Variants in PPARGC1A observed in about 807,000 individuals in gnomAD.
The protein encoded by PPARGC1A is peroxisome proliferator-activated receptor gamma coactivator 1-alpha.
PPARGC1A carries 25 observed loss-of-function variants against 88.7 expected under a neutral mutation model. The observed-to-expected ratio is 0.28, with a 90% CI of 0.21 to 0.39. The LOEUF (loss-of-function observed/expected upper bound fraction) is 0.39, where lower values mean the gene tolerates loss of function less well. PPARGC1A is among the 10% of genes least tolerant of loss of function. The probability of loss-of-function intolerance (pLI) is 1.00; values close to 1 mark genes in which losing one functional copy is unlikely to be tolerated. For missense variants in PPARGC1A, 880 were observed against 968.7 expected (o/e 0.91, Z 1.22); for synonymous variants, 363 against 355.6 (o/e 1.02, Z -0.24).
At chr4:24,443,027 G>A in the PPARGC1A span, among the ~76,000 whole-genome samples, 1 of 152,142 alleles carries the variant, frequency 6.6e-6, no homozygotes, top group East Asian at 1.9e-4. Context: ...TTTCCTAGGA[G>A]CGCCATTTCC....
chr4:24,447,800 A>T, the PPARGC1A span, among the ~76,000 whole-genome samples: 2 of 152,224 alleles, frequency 1.3e-5, no homozygotes, highest in South Asian at 4.1e-4. Context: ...CATCGGCATG[A>T]AACAGTCCCA....
At chr4:24,335,125 G>A in the PPARGC1A span, among the ~76,000 whole-genome samples, 1 of 152,186 alleles carries the variant, frequency 6.6e-6, no homozygotes, top group South Asian at 2.1e-4. Flanking sequence ...TTGCTAGGCA[G>A]GGGCCCTGGA....
chr4:24,039,943 T>C, the PPARGC1A span, among the ~76,000 whole-genome samples: 1 of 152,162 alleles, frequency 6.6e-6, no homozygotes, highest in African/African-American at 2.4e-5. Context: ...TTAAATGCTA[T>C]TGACACTCTC....
the PPARGC1A span, among the ~76,000 whole-genome samples, chr4:24,286,553 G>A: frequency 6.6e-6 from 1 of 152,152 alleles, no homozygotes; most frequent in Non-Finnish European, 1.5e-5. Flanking sequence ...TGTGATGCCA[G>A]AGCAGCCATC....
chr4:24,325,327 C>A, the PPARGC1A span, among the ~76,000 whole-genome samples: 16 of 152,018 alleles, frequency 1.1e-4, no homozygotes, highest in Non-Finnish European at 2.4e-4. Context: ...TTTAATTAAC[C>A]TCGCCTTCAA....
At chr4:24,246,976 A>G in the PPARGC1A span, among the ~76,000 whole-genome samples, 1 of 101,274 alleles carries the variant, frequency 9.9e-6, no homozygotes, top group Non-Finnish European at 2.2e-5. Flanking sequence ...CGCCAAACCA[A>G]TTAGATCTGA....
At chr4:23,932,221 G>C in the PPARGC1A span, among the ~76,000 whole-genome samples, 1 of 151,360 alleles carries the variant, frequency 6.6e-6, no homozygotes, top group East Asian at 1.9e-4. Context: ...GATTGGAAGA[G>C]TCTAAAAGGA....
chr4:23,827,315 A>G (rs1275984655), intron 5 of PPARGC1A, among the ~76,000 whole-genome samples: 1 of 152,106 alleles, frequency 6.6e-6, no homozygotes, highest in African/African-American at 2.4e-5. Flanking sequence ...GGGGAAAAAA[A>G]GCGTATTGAA....
At chr4:23,921,317 T>C in the PPARGC1A span, among the ~76,000 whole-genome samples, 3 of 152,186 alleles carry the variant, frequency 2.0e-5, no homozygotes, top group African/African-American at 7.2e-5. Context: ...TATAAAAGAA[T>C]TGAATTGAAT....
intron 2 of PPARGC1A, among the ~76,000 whole-genome samples, chr4:23,838,031 A>C (rs768728473): frequency 6.6e-6 from 1 of 152,206 alleles, no homozygotes; most frequent in South Asian, 2.1e-4. Flanking sequence ...TAAAAATAAC[A>C]ATCCAGAGTT....
chr4:23,964,005 C>G, the PPARGC1A span, among the ~76,000 whole-genome samples: 1 of 152,166 alleles, frequency 6.6e-6, no homozygotes, highest in Non-Finnish European at 1.5e-5. Flanking sequence ...TGAAGCCACA[C>G]CACCATTTTG....
the PPARGC1A span, among the ~76,000 whole-genome samples, chr4:24,271,146 C>T: frequency 5.3e-5 from 8 of 152,206 alleles, no homozygotes; most frequent in Admixed American, 5.2e-4. Flanking sequence ...AATCATTATA[C>T]TGTATGATAA....
At chr4:24,430,656 G>GT in the PPARGC1A span, among the ~76,000 whole-genome samples, 2 of 152,160 alleles carry the variant, frequency 1.3e-5, no homozygotes, top group Admixed American at 6.5e-5. Flanking sequence ...CAAGCAGGGT[G>GT]TTTTTTTAAC....
chr4:24,280,756 A>G, the PPARGC1A span, among the ~76,000 whole-genome samples: 10 of 152,230 alleles, frequency 6.6e-5, no homozygotes, highest in Admixed American at 6.5e-4. Flanking sequence ...GTTTCATTCC[A>G]TTTGATCCCC....
At chr4:24,225,993 A>G in the PPARGC1A span, among the ~76,000 whole-genome samples, 1 of 49,028 alleles carries the variant, frequency 2.0e-5, no homozygotes, top group African/African-American at 7.7e-5. Context: ...AGGGACAAAG[A>G]AAGAAACCAC....
the PPARGC1A span, among the ~76,000 whole-genome samples, chr4:24,432,020 A>G: frequency 6.6e-6 from 1 of 152,160 alleles, no homozygotes. Flanking sequence ...GGCTTCAGGG[A>G]AAATGGGGGT....
chr4:24,157,105 C>T, the PPARGC1A span, among the ~76,000 whole-genome samples: 2 of 152,138 alleles, frequency 1.3e-5, no homozygotes, highest in Non-Finnish European at 2.9e-5. Context: ...GTTCAAATCC[C>T]AGCAATATTA....
At chr4:23,935,034 T>G in the PPARGC1A span, among the ~76,000 whole-genome samples, 1 of 152,186 alleles carries the variant, frequency 6.6e-6, no homozygotes, top group Non-Finnish European at 1.5e-5. Context: ...GAGGTTCTGC[T>G]CACATGCTTG....
chr4:23,935,971 T>C, the PPARGC1A span, among the ~76,000 whole-genome samples: 1 of 152,210 alleles, frequency 6.6e-6, no homozygotes, highest in African/African-American at 2.4e-5. Context: ...AAATAGTTTA[T>C]GTGTTCTGTC....
Sources: allele counts gnomAD v4.1 joint callset (sites outside exome capture counted in the v4.1 genomes callset), GRCh38; gene constraint gnomAD v4.1.1; transcripts MANE v1.5; gene names NCBI Gene and HGNC (gene_info 2026-07-23, HGNC 2026-07-21).